DNAJA1: variants seen among roughly 807,000 people sequenced by gnomAD.
DNAJA1 encodes DnaJ heat shock protein family (Hsp40) member A1.
DNAJA1 carries 26 observed loss-of-function variants against 47.6 expected under a neutral mutation model. The observed-to-expected ratio is 0.55, with a 90% CI of 0.40 to 0.76. The LOEUF (loss-of-function observed/expected upper bound fraction) is 0.76. DNAJA1 is among the 30% of genes least tolerant of loss of function. The pLI is 0.00. For synonymous variants in DNAJA1, 165 were observed against 158.4 expected, an observed-to-expected ratio of 1.04 and a Z score of -0.31; for missense variants, 315 against 485.0, an observed-to-expected ratio of 0.65 and a Z score of 3.29.
In DNAJA1 at chr9:33,025,643, C is replaced by G. The variant is rs553025769; in HGVS notation, c.-11+260C>G. 4.5e-3 allele frequency among the ~76,000 whole-genome samples: 680 copies of G among 151,996 alleles called. 8 individuals are homozygous for G. Among genetic ancestry groups the G allele is most frequent in the African/African-American group, 0.016 (653 of 41,458 alleles). Reference sequence around the variant, plus strand: ...ATCTCCAAGGAGCTACTGTCTTCGGCTGCCCCTCCGTGCGCGCCCCCGCGG... The same window carrying G: ...ATCTCCAAGGAGCTACTGTCTTCGGGTGCCCCTCCGTGCGCGCCCCCGCGG... On this transcript the variant is annotated intron_variant, in intron 1 of 8. Transcript: ENST00000330899.
intron 6 of DNAJA1, among the ~76,000 whole-genome samples, chr9:33,035,274 A>G (rs1346413525): frequency 6.6e-6 from 1 of 151,914 alleles, no homozygotes; most frequent in Non-Finnish European, 1.5e-5. Flanking sequence ...AGGCAGGAGA[A>G]TCACTTGAAC....
intron 6 of DNAJA1, among the ~76,000 whole-genome samples, chr9:33,034,581 G>A (rs1343165373): frequency 6.6e-6 from 1 of 152,008 alleles, no homozygotes; most frequent in Non-Finnish European, 1.5e-5. Flanking sequence ...AGCAGCAGAT[G>A]GGTGGGGAAA....
At chr9:33,030,106 G>C in intron 4 of DNAJA1, 117 bp downstream of exon 4, 1 of 976,858 alleles carries the variant, frequency 1.0e-6, no homozygotes, top group African/African-American at 1.7e-5. Context: ...ACACTACCTA[G>C]ATTTTGGGGG....
chr9:33,037,979 A>G (rs1395419349), intron 8 of DNAJA1, among the ~76,000 whole-genome samples: 1 of 151,154 alleles, frequency 6.6e-6, no homozygotes, highest in Non-Finnish European at 1.5e-5. Flanking sequence ...GCCTGTCACC[A>G]TAAAAATATT....
Position 33,030,003 on chromosome 9 carries a change from T to C in DNAJA1, c.415+14T>C, listed in dbSNP as rs982315131. 2 of 1,592,508 alleles carry C rather than the reference T, an allele frequency of 1.3e-6. No individual in the cohort carries two copies. The highest frequency in any genetic ancestry group is 1.7e-6 in the Non-Finnish European group (2 of 1,167,478). Reference sequence around the variant, plus strand: ...ACAAATGTGAAGGTACGGTGTTTTTTTGTTTTGTTTTGTTTTGTTTTTAAG... The same window carrying C: ...ACAAATGTGAAGGTACGGTGTTTTTCTGTTTTGTTTTGTTTTGTTTTTAAG... On this transcript the variant is annotated intron_variant, in intron 4 of 8. Coordinates refer to ENST00000330899, the MANE Select transcript of DNAJA1 (RefSeq NM_001539.4).
chr9:33,031,463 G>C (rs778708538), intron 5 of DNAJA1, among the ~76,000 whole-genome samples: 1 of 151,892 alleles, frequency 6.6e-6, no homozygotes, highest in Non-Finnish European at 1.5e-5. Flanking sequence ...GTAGAGTCTT[G>C]CTCTGTTGCC....
At chr9:33,026,444 AGCC>A in intron 1 of DNAJA1, 28 bp from the exon 2 acceptor site, 2 of 1,587,350 alleles carry the variant, frequency 1.3e-6, no homozygotes, top group Non-Finnish European at 1.7e-6. Flanking sequence ...ACCAGTTGAA[AGCC>A]GGTTAAAGTT....
At chr9:33,036,808 A>G (rs1056520348) in intron 7 of DNAJA1, 119 bp downstream of exon 7, 1 of 827,784 alleles carries the variant, frequency 1.2e-6, no homozygotes, top group Non-Finnish European at 1.9e-6. Flanking sequence ...TCTCGGTTAC[A>G]TATCCTTCTC....
rs1839076509 is a variant in DNAJA1, at chr9:33,038,928, C to T, written c.*25C>T. The T allele has an allele frequency of 2.5e-6, 4 of 1,572,770 alleles. No homozygotes were observed. The highest frequency in any genetic ancestry group is 3.5e-6 in the Non-Finnish European group (4 of 1,150,904). On this transcript the variant is annotated 3_prime_UTR_variant, in exon 9 of 9. Coordinates refer to ENST00000330899, the MANE Select transcript of DNAJA1 (RefSeq NM_001539.4). Reference sequence around the variant, plus strand: ...ATGGGCCAGTGAATAACACTCACTGCTGGCATTTAATGTGCAGTAGTGAAT... The same window carrying T: ...ATGGGCCAGTGAATAACACTCACTGTTGGCATTTAATGTGCAGTAGTGAAT...
chr9:33,030,155 C>T (rs1272247117), intron 4 of DNAJA1, among the ~76,000 whole-genome samples, 166 bp downstream of exon 4: 2 of 152,110 alleles, frequency 1.3e-5, no homozygotes, highest in Admixed American at 1.3e-4. Flanking sequence ...CTGAAAACCT[C>T]CCACCTAAAG....
At chr9:33,038,633 C>A in intron 8 of DNAJA1, 52 bp from the exon 9 acceptor site, 1 of 1,546,180 alleles carries the variant, frequency 6.5e-7, no homozygotes, top group Non-Finnish European at 8.9e-7. Flanking sequence ...CCATGATACT[C>A]TAAGGGAGCT....
Position 33,026,531 on chromosome 9 carries a change from A to T in DNAJA1, c.47A>T (p.Asn16Ile), listed in dbSNP as rs369610384. 3.1e-6 allele frequency: 5 copies of T among 1,611,870 alleles called. No individual in the cohort carries two copies. Among genetic ancestry groups the T allele is most frequent in the Middle Eastern group, 1.7e-4 (1 of 6,054 alleles). The stretch of plus-strand genomic sequence containing the variant: ...TACGATGTTTTGGGGGTCAAACCCA[A>T]TGCTACTCAGGAAGAATTGAAAAAG... ...TYYDVLGVKP[N>I]ATQEELKKAY... is the part of the protein sequence containing the mutation. Residue 16 changes from asparagine (N) to isoleucine (I), a missense_variant, in exon 2 of 9, where the codon AAT (asparagine) becomes ATT (isoleucine). Asn to Ile is a moderately radical substitution (Grantham distance 149). Around this residue, in one of 4 missense-constraint regions of DNAJA1, gnomAD observed 100 missense variants for 163.0 expected, o/e 0.61. Coordinates refer to ENST00000330899, the MANE Select transcript of DNAJA1 (RefSeq NM_001539.4).
chr9:33,033,017 C>T (rs909542942), intron 5 of DNAJA1, among the ~76,000 whole-genome samples: 1 of 152,014 alleles, frequency 6.6e-6, no homozygotes, highest in African/African-American at 2.4e-5. Context: ...CCAGAGTGAT[C>T]TTGGGAAATA....
rs761729873 is a variant in DNAJA1 at position 33,037,172 on chromosome 9, TAAAA to T, written c.975+60_975+63del. 8 of 1,517,966 alleles carry T rather than the reference TAAAA, an allele frequency of 5.3e-6. No homozygotes were observed. In the South Asian group the frequency reaches 9.4e-5, roughly 18 times the overall value. The allele number at this position is 1,517,966 out of a possible 1,614,324, so 94.0% of individuals were successfully genotyped here. On this transcript the variant is annotated intron_variant, in intron 8 of 8. Coordinates refer to ENST00000330899, the MANE Select transcript of DNAJA1 (RefSeq NM_001539.4). Reference sequence around the variant, plus strand: ...GAACAATTGGCTTACTAAAATCTGATAAAAAAGTAAAATTTCAGCCAGGTGCAAG... The same window carrying T: ...GAACAATTGGCTTACTAAAATCTGATAAGTAAAATTTCAGCCAGGTGCAAG...
chr9:33,028,995 T>C (rs549586119), intron 3 of DNAJA1, among the ~76,000 whole-genome samples: 49 of 152,348 alleles, frequency 3.2e-4, no homozygotes, highest in African/African-American at 1.2e-3. Flanking sequence ...GAAGGACCAC[T>C]AGTTAGGAAC....
At chr9:33,037,269 T>G (rs1839050570) in intron 8 of DNAJA1, 154 bp downstream of exon 8, 1 of 541,324 alleles carries the variant, frequency 1.8e-6, no homozygotes, top group South Asian at 2.7e-5. Context: ...CCCTGGAGTT[T>G]TGAGAACAGC....
chr9:33,026,012 G>T (rs1223932229), intron 1 of DNAJA1, among the ~76,000 whole-genome samples: 1 of 152,192 alleles, frequency 6.6e-6, no homozygotes, highest in Non-Finnish European at 1.5e-5. Context: ...TGTGGAGCCA[G>T]TAACCTGTTC....
intron 8 of DNAJA1, 107 bp downstream of exon 8, chr9:33,037,222 C>T (rs561292909): frequency 6.3e-5 from 55 of 878,636 alleles, no homozygotes; most frequent in African/African-American, 1.9e-4. Flanking sequence ...CTGTAATCCC[C>T]GCATTTTGAG....
In DNAJA1 at chr9:33,025,356, C is replaced by T. The variant is rs1838785163; in HGVS notation, c.-38C>T. On this transcript the variant is annotated 5_prime_UTR_variant, in exon 1 of 9. Transcript: ENST00000330899. The stretch of plus-strand genomic sequence containing the variant: ...CACAGCTCGGCGCTCCTTCCCGCTC[C>T]CTCACACACCGGCCTCAGCCCGCAC... 1.3e-5 allele frequency: 2 copies of T among 152,504 alleles called. No homozygotes were observed. Among genetic ancestry groups the T allele is most frequent in the African/African-American group, 2.4e-5 (1 of 41,456 alleles). 9.4% of individuals were successfully genotyped at this position (152,504 alleles called of 1,614,324 possible). A position where few individuals can be genotyped will look rare whatever the true frequency, so the allele number is the denominator to read the frequency against.
Sources: gnomAD v4.1 joint callset for allele counts (sites outside exome capture counted in the v4.1 genomes callset) on GRCh38, gnomAD v4.1.1 for gene constraint, gnomAD v4.1.1 regional missense constraint, MANE v1.5 for transcripts, NCBI Gene and HGNC (gene_info 2026-07-23, HGNC 2026-07-21) for gene names.